Variants in MIPOL1 observed in about 807,000 individuals in gnomAD.
MIPOL1 encodes the protein mirror-image polydactyly 1, also known as mirror-image polydactyly gene 1 protein.
Under a neutral mutation model 60.9 loss-of-function variants are expected in MIPOL1, and 57 were observed. That is an observed-to-expected ratio of 0.94 (90% CI 0.76 to 1.17). MIPOL1 has a LOEUF of 1.17. MIPOL1 is among the 50% of genes most tolerant of loss of function. The pLI is 0.00. For missense variants in MIPOL1, 551 were observed against 511.6 expected (o/e 1.08, Z -0.74); for synonymous variants, 179 against 168.8 (o/e 1.06, Z -0.47).
At chr14:37,451,815 T>C (rs1465375752) in intron 11 of MIPOL1, among the ~76,000 whole-genome samples, 4 of 26,780 alleles carry the variant, frequency 1.5e-4, no homozygotes, top group East Asian at 7.9e-4. Context: ...TCTCTTTTTT[T>C]TTTTTTTTTT....
intron 10 of MIPOL1, among the ~76,000 whole-genome samples, chr14:37,384,816 T>C (rs1291314921): frequency 2.0e-5 from 3 of 152,030 alleles, no homozygotes; most frequent in Non-Finnish European, 4.4e-5. Flanking sequence ...AAGGGCAATT[T>C]TATACAATTA....
chr14:37,472,840 G>A (rs1225156598), intron 11 of MIPOL1, among the ~76,000 whole-genome samples: 2 of 152,108 alleles, frequency 1.3e-5, no homozygotes, highest in East Asian at 3.9e-4. Context: ...TGCCCAGTAT[G>A]TTTTCTCAGC....
chr14:37,493,616 CATT>C (rs1406486353), intron 11 of MIPOL1, among the ~76,000 whole-genome samples: 2 of 152,148 alleles, frequency 1.3e-5, no homozygotes, highest in East Asian at 1.9e-4. Context: ...TCATATCAAA[CATT>C]AGTAAGTAAA....
chr14:37,326,010 G>A (rs981044751), intron 9 of MIPOL1, among the ~76,000 whole-genome samples: 3 of 152,178 alleles, frequency 2.0e-5, no homozygotes, highest in South Asian at 4.1e-4. Context: ...GCAGAGATAG[G>A]AAGCAAATAT....
In MIPOL1 at chr14:37,549,405, A is replaced by T. The variant is rs996995715; in HGVS notation, c.*2434A>T. On this transcript the variant is annotated 3_prime_UTR_variant, in exon 13 of 13. Coordinates refer to ENST00000684589, the MANE Select transcript of MIPOL1 (RefSeq NM_001388067.1). ...CATAATAATAATAAATTATATATATAACCCATATAATAACGATGGTGATGA... is the reference window on the plus strand; with the variant it reads ...CATAATAATAATAAATTATATATATTACCCATATAATAACGATGGTGATGA... 2 of 151,658 alleles carry T rather than the reference A, an allele frequency of 1.3e-5. No homozygotes were observed. Among genetic ancestry groups the T allele is most frequent in the East Asian group, 1.9e-4 (1 of 5,190 alleles). 9.4% of individuals were successfully genotyped at this position (151,658 alleles called of 1,614,324 possible). A position where few individuals can be genotyped will look rare whatever the true frequency, so the allele number is the denominator to read the frequency against.
chr14:37,524,775 G>A (rs2095436945), intron 12 of MIPOL1, among the ~76,000 whole-genome samples: 1 of 151,206 alleles, frequency 6.6e-6, no homozygotes, highest in Admixed American at 6.6e-5. Flanking sequence ...TCACCATCTT[G>A]GCCAGCCTGG....
At chr14:37,275,020 A>G (rs2083547806) in intron 6 of MIPOL1, among the ~76,000 whole-genome samples, 1 of 151,238 alleles carries the variant, frequency 6.6e-6, no homozygotes, top group Non-Finnish European at 1.5e-5. Context: ...GTTTACAAAG[A>G]ATTTTTATTT....
chr14:37,393,715 A>C (rs1435601978), intron 10 of MIPOL1, among the ~76,000 whole-genome samples: 1 of 151,248 alleles, frequency 6.6e-6, no homozygotes, highest in African/African-American at 2.4e-5. Flanking sequence ...TAATTTTTCC[A>C]TAGGTTTTTG....
At chr14:37,399,948 C>G (rs1358165437) in intron 10 of MIPOL1, 2 of 152,114 alleles carry the variant, frequency 1.3e-5, no homozygotes, top group Non-Finnish European at 2.9e-5. Context: ...ATTGATCACC[C>G]ACTGGAAAAC....
chr14:37,303,044 T>C (rs938394953), intron 7 of MIPOL1, among the ~76,000 whole-genome samples: 4 of 151,988 alleles, frequency 2.6e-5, no homozygotes, highest in African/African-American at 9.6e-5. Flanking sequence ...TGTTCATAAA[T>C]TTTATTACGT....
At chr14:37,473,841 T>C (rs1246941608) in intron 11 of MIPOL1, among the ~76,000 whole-genome samples, 7 of 149,444 alleles carry the variant, frequency 4.7e-5, no homozygotes, top group Non-Finnish European at 2.9e-5. Flanking sequence ...TACAGTATCA[T>C]AGAGAGTTTC....
At chr14:37,500,197 C>G (rs2095195979) in intron 12 of MIPOL1, 59 bp downstream of exon 12, 2 of 1,101,160 alleles carry the variant, frequency 1.8e-6, no homozygotes, top group Non-Finnish European at 2.6e-6. Context: ...AAAACACTTT[C>G]TTTTGGGAAC....
intron 6 of MIPOL1, chr14:37,276,910 G>A (rs1249290201): frequency 6.6e-6 from 1 of 151,148 alleles, no homozygotes. Flanking sequence ...TTATATTACT[G>A]TCTTTGGCTA....
chr14:37,433,618 T>C (rs2153560570), intron 11 of MIPOL1, among the ~76,000 whole-genome samples: 1 of 152,150 alleles, frequency 6.6e-6, no homozygotes, highest in South Asian at 2.1e-4. Flanking sequence ...TGCAGTGGCG[T>C]GATCTCAGCT....
intron 7 of MIPOL1, among the ~76,000 whole-genome samples, chr14:37,296,144 A>C (rs2085650421): frequency 6.6e-6 from 1 of 152,366 alleles, no homozygotes; most frequent in African/African-American, 2.4e-5. Context: ...CTCAGGATTA[A>C]GAAACTCACT....
chr14:37,544,739 T>C (rs1479625726), intron 12 of MIPOL1, among the ~76,000 whole-genome samples: 2 of 152,234 alleles, frequency 1.3e-5, no homozygotes, highest in Non-Finnish European at 2.9e-5. Context: ...ATTTCTGAGA[T>C]CAGGTTTTCA....
chr14:37,266,813 A>G (rs1176673027), intron 3 of MIPOL1, 125 bp from the exon 4 acceptor site: 2 of 685,562 alleles, frequency 2.9e-6, no homozygotes, highest in Non-Finnish European at 5.0e-6. Flanking sequence ...TTACAGTAGG[A>G]GTAAGACTAG....
intron 1 of MIPOL1, among the ~76,000 whole-genome samples, chr14:37,245,092 C>T (rs1377971766): frequency 6.6e-6 from 1 of 152,020 alleles, no homozygotes; most frequent in Non-Finnish European, 1.5e-5. Context: ...CCTATTTAAT[C>T]AGGATAACAC....
chr14:37,468,275 T>G (rs1213155559), intron 11 of MIPOL1, among the ~76,000 whole-genome samples: 1 of 152,126 alleles, frequency 6.6e-6, no homozygotes, highest in Non-Finnish European at 1.5e-5. Flanking sequence ...TTTACTTAAC[T>G]GCCAGGGGGC....
Sources: allele counts gnomAD v4.1 joint callset (sites outside exome capture counted in the v4.1 genomes callset), GRCh38; gene constraint gnomAD v4.1.1; transcripts MANE v1.5; gene names NCBI Gene and HGNC (gene_info 2026-07-23, HGNC 2026-07-21).